The following NDUFAF6 variants were observed in gnomAD, a reference collection of about 807,000 sequenced individuals.
NDUFAF6 encodes the protein NADH:ubiquinone oxidoreductase complex assembly factor 6.
A neutral mutation model predicts 40.8 loss-of-function variants in NDUFAF6; 45 were observed. The observed-to-expected ratio is 1.10, with a 90% confidence interval of 0.87 to 1.42. The LOEUF (loss-of-function observed/expected upper bound fraction) is 1.42, where lower values mean the gene tolerates loss of function less well. Ranked by LOEUF, NDUFAF6 falls within the 40% of genes most tolerant of loss-of-function variation. The pLI is 0.00. For missense variants in NDUFAF6, 435 were observed against 418.5 expected (o/e 1.04, Z -0.34); for synonymous variants, 185 against 155.9 (o/e 1.19, Z -1.39).
Position 95,025,103 on chromosome 8 carries a change from G to T in NDUFAF6, c.95G>T (p.Arg32Leu), listed in dbSNP as rs1192597043. The change falls in exon 1 of 9, where the codon CGC (arginine) becomes CTC (leucine). Residue 32 changes from arginine to leucine, a missense_variant. Arg to Leu is a moderately radical substitution (Grantham distance 102). Transcript: ENST00000396124. ...CRRPPLGLYA[R>L]MRRLPGPEVS... ...CGGCCGCCTCTGGGTCTGTACGCGCGCATGCGGCGGCTGCCCGGGCCGGAG... is the reference window on the plus strand; with the variant it reads ...CGGCCGCCTCTGGGTCTGTACGCGCTCATGCGGCGGCTGCCCGGGCCGGAG... 1 of 1,480,896 alleles carries T rather than the reference G, an allele frequency of 6.8e-7. No homozygotes were observed. Among genetic ancestry groups the T allele is most frequent in the Admixed American group, 2.4e-5 (1 of 41,634 alleles). 91.7% of individuals were successfully genotyped at this position (1,480,896 alleles called of 1,614,324 possible).
exon 10 of NDUFAF6, chr8:95,075,797 A>G (rs1833006096): frequency 3.4e-6 from 3 of 884,560 alleles, no homozygotes; most frequent in Middle Eastern, 4.4e-4. Context: ...CTCTAGGCCA[A>G]TCTTGCTTCA....
intron 1 of NDUFAF6, chr8:94,927,697 C>T (rs1427470510): frequency 2.0e-5 from 3 of 152,230 alleles, no homozygotes; most frequent in Admixed American, 6.5e-5. Flanking sequence ...GTTTTGTCAA[C>T]AAAAACAAAC....
At chr8:94,928,131 T>C (rs1196926399) in intron 1 of NDUFAF6, 2 of 152,094 alleles carry the variant, frequency 1.3e-5, no homozygotes, top group Non-Finnish European at 2.9e-5. Flanking sequence ...GGTGGTGTGG[T>C]AATCCCAACC....
intron 1 of NDUFAF6, among the ~76,000 whole-genome samples, chr8:94,980,449 T>TTG (rs1554647447): frequency 8.1e-4 from 115 of 141,434 alleles, no homozygotes; most frequent in African/African-American, 3.0e-3. Context: ...TTTGTTTTTT[T>TTG]TTTTTTTTTT....
chr8:94,941,789 A>G (rs1283462248), intron 1 of NDUFAF6, among the ~76,000 whole-genome samples: 1 of 152,216 alleles, frequency 6.6e-6, no homozygotes, highest in Non-Finnish European at 1.5e-5. Context: ...ATGTGACTTC[A>G]GCTGGCAACA....
chr8:94,960,848 C>T (rs191412205), intron 1 of NDUFAF6, among the ~76,000 whole-genome samples: 27 of 152,304 alleles, frequency 1.8e-4, no homozygotes, highest in African/African-American at 6.5e-4. Flanking sequence ...TTCGAACAAA[C>T]CCTTCATACC....
At chr8:95,046,777 C>T (rs1830815384) in intron 5 of NDUFAF6, among the ~76,000 whole-genome samples, 1 of 152,142 alleles carries the variant, frequency 6.6e-6, no homozygotes, top group South Asian at 2.1e-4. Flanking sequence ...CTGAGGAAAA[C>T]TCTTATTTAA....
chr8:95,087,321 T>C (rs1032501464), intron 2 of NDUFAF6, among the ~76,000 whole-genome samples: 4 of 152,222 alleles, frequency 2.6e-5, no homozygotes, highest in African/African-American at 7.2e-5. Context: ...CCCAAAGATT[T>C]TTTTTATACC....
rs760443320 is a variant in NDUFAF6 at position 95,025,016 on chromosome 8, C to G, written c.8C>G (p.Ala3Gly). MA[A>G]SAHGSVWGPL... ...GCACGCAGTGCCGGCGTCATGGCGGCCTCCGCGCACGGCTCTGTCTGGGGG... is the reference window on the plus strand; with the variant it reads ...GCACGCAGTGCCGGCGTCATGGCGGGCTCCGCGCACGGCTCTGTCTGGGGG... The change falls in exon 1 of 9, where the codon GCC becomes GGC. Residue 3 changes from alanine to glycine, a missense_variant. Transcript: ENST00000396124. The G allele has an allele frequency of 1.7e-4, 227 of 1,344,190 alleles. No homozygotes were observed. Among genetic ancestry groups the G allele is most frequent in the Non-Finnish European group, 1.9e-4 (202 of 1,056,208 alleles). The allele number at this position is 1,344,190 out of a possible 1,614,324, so 83.3% of individuals were successfully genotyped here. A position where few individuals can be genotyped will look rare whatever the true frequency, so the allele number is the denominator to read the frequency against.
chr8:94,948,954 G>A (rs930989642), intron 2 of NDUFAF6, among the ~76,000 whole-genome samples: 53 of 150,892 alleles, frequency 3.5e-4, no homozygotes, highest in African/African-American at 1.3e-3. Flanking sequence ...GGGCCGCCGA[G>A]GACCGACCCA....
chr8:95,047,341 A>G (rs984915391), intron 6 of NDUFAF6, among the ~76,000 whole-genome samples: 1 of 152,130 alleles, frequency 6.6e-6, no homozygotes, highest in Non-Finnish European at 1.5e-5. Flanking sequence ...ATGAGTAGGA[A>G]GGTCTAGAGA....
chr8:94,985,482 TATATA>T (rs1825751159), intron 2 of NDUFAF6, among the ~76,000 whole-genome samples: 3 of 3,678 alleles, frequency 8.2e-4, no homozygotes, highest in Non-Finnish European at 2.2e-3. Flanking sequence ...TATATATATA[TATATA>T]TATATATATA....
intron 1 of NDUFAF6, among the ~76,000 whole-genome samples, chr8:94,937,790 A>G (rs1821136469): frequency 6.6e-6 from 1 of 152,036 alleles, no homozygotes; most frequent in South Asian, 2.1e-4. Flanking sequence ...GGTTACCTAG[A>G]CCCCATCTTG....
chr8:95,048,484 C>T lies in NDUFAF6; in HGVS notation c.742C>T (p.Arg248Trp), dbSNP rs753940482. 36 of 1,613,816 alleles carry T rather than the reference C, an allele frequency of 2.2e-5. 1 individual carries two copies. Among genetic ancestry groups the T allele is most frequent in the South Asian group, 4.4e-5 (4 of 91,094 alleles). Residue 248 changes from arginine to tryptophan, a missense_variant, in exon 7 of 9, where the codon CGG becomes TGG. Physicochemically the swap from Arg to Trp is moderately radical, Grantham distance 101. Coordinates refer to ENST00000396124, the MANE Select transcript of NDUFAF6 (RefSeq NM_152416.4). ...TGGTGTTTCACAAGAGGACTTTCTA[C>T]GGAGGAACCAAGATAAAAATGTGAG... is the stretch of plus-strand genomic sequence containing the variant. ...LHGVSQEDFL[R>W]RNQDKNVRDV... is the part of the protein sequence containing the mutation.
intron 7 of NDUFAF6, among the ~76,000 whole-genome samples, chr8:95,048,767 T>C (rs1831102046): frequency 6.6e-6 from 1 of 152,256 alleles, no homozygotes; most frequent in South Asian, 2.1e-4. Flanking sequence ...ATGCGTTCTC[T>C]ACTGAGTAAA....
downstream of NDUFAF6, among the ~76,000 whole-genome samples, chr8:95,061,321 T>C (rs1832566457): frequency 6.6e-6 from 1 of 152,222 alleles, no homozygotes; most frequent in South Asian, 2.1e-4. Context: ...TTGTTTTAGC[T>C]CATATAAATT....
intron 7 of NDUFAF6, among the ~76,000 whole-genome samples, chr8:95,051,883 T>C (rs1831473756): frequency 6.6e-6 from 1 of 152,194 alleles, no homozygotes; most frequent in East Asian, 1.9e-4. Context: ...AAGTATTTCT[T>C]CATTTTCCCC....
In NDUFAF6 at chr8:95,013,723, T is replaced by G. The variant is rs62523113; in HGVS notation, c.-83-18272T>G. ...AGTAAAAACATAAGTATATAATATG[T>G]CAGATGGTGATATATACTGCAAAGA... is the stretch of plus-strand genomic sequence containing the variant. On this transcript the variant is annotated intron_variant, in intron 2 of 9. Transcript: ENST00000396111. Among the ~76,000 whole-genome samples the G allele has an allele frequency of 3.4e-3, 523 of 152,264 alleles. 4 individuals are homozygous for G. Among genetic ancestry groups the G allele is most frequent in the Non-Finnish European group, 5.4e-3 (370 of 68,014 alleles).
chr8:95,085,159 G>A (rs1157641312), intron 2 of NDUFAF6, among the ~76,000 whole-genome samples: 1 of 152,190 alleles, frequency 6.6e-6, no homozygotes, highest in Admixed American at 6.5e-5. Flanking sequence ...ATCAATGCCT[G>A]CTTCAAGGAT....
Sources: gnomAD v4.1 joint callset for allele counts (sites outside exome capture counted in the v4.1 genomes callset) on GRCh38, gnomAD v4.1.1 for gene constraint, MANE v1.5 for transcripts, NCBI Gene and HGNC (gene_info 2026-07-23, HGNC 2026-07-21) for gene names.